The following DLGAP4 variants were observed in gnomAD, a reference collection of about 807,000 sequenced individuals.
DLGAP4 encodes disks large-associated protein 4.
In DLGAP4, 18 loss-of-function variants were observed where a neutral mutation model predicts 86.9. That is an observed-to-expected ratio of 0.21 (90% CI 0.14 to 0.31). The LOEUF is 0.31. Among genes scored for constraint, DLGAP4 ranks in the 10% least tolerant of loss-of-function variants. The pLI, the probability that DLGAP4 is intolerant of heterozygous loss-of-function variation, is 1.00. For missense variants in DLGAP4, 1,085 were observed against 1,362.6 expected, an observed-to-expected ratio of 0.80 and a Z score of 3.21; for synonymous variants, 548 against 574.3, an observed-to-expected ratio of 0.95 and a Z score of 0.65.
intron 4 of DLGAP4, among the ~76,000 whole-genome samples, chr20:36,437,091 A>G (rs766216348): frequency 6.6e-6 from 1 of 152,100 alleles, no homozygotes; most frequent in Non-Finnish European, 1.5e-5. Context: ...CCTCAGCTTC[A>G]GATCCAGGTG....
At chr20:36,424,213 A>G (rs1256283361) in intron 2 of DLGAP4, among the ~76,000 whole-genome samples, 2 of 152,200 alleles carry the variant, frequency 1.3e-5, no homozygotes, top group Non-Finnish European at 2.9e-5. Flanking sequence ...GAACCTCAAT[A>G]CAGCACAACA....
chr20:36,480,421 G>T (rs2147703883), intron 7 of DLGAP4, among the ~76,000 whole-genome samples: 2 of 152,286 alleles, frequency 1.3e-5, no homozygotes, highest in Middle Eastern at 6.8e-3. Flanking sequence ...AGGTAGGGGG[G>T]TAAAAAAGAC....
intron 10 of DLGAP4, among the ~76,000 whole-genome samples, chr20:36,522,637 G>A (rs1384717364): frequency 1.3e-5 from 2 of 152,154 alleles, no homozygotes; most frequent in East Asian, 3.9e-4. Flanking sequence ...TCCTATCTCA[G>A]CCTCCCAAAT....
intron 7 of DLGAP4, among the ~76,000 whole-genome samples, chr20:36,488,199 CAAA>C (rs1287983679): frequency 4.8e-5 from 3 of 62,376 alleles, no homozygotes; most frequent in Admixed American, 1.9e-4. Flanking sequence ...GACTCTGTCT[CAAA>C]AAAAAAAAAA....
intron 7 of DLGAP4, chr20:36,462,388 C>G (rs2034128919): frequency 2.9e-6 from 4 of 1,361,688 alleles, no homozygotes; most frequent in Admixed American, 4.0e-5. Flanking sequence ...GGTGGTCTCG[C>G]CACTCTGTGC....
chr20:36,389,770 A>G (rs2031725101), intron 2 of DLGAP4, among the ~76,000 whole-genome samples: 1 of 152,240 alleles, frequency 6.6e-6, no homozygotes, highest in Admixed American at 6.5e-5. Context: ...CAAAGAAAAA[A>G]AGGAAACAAG....
At chr20:36,328,488 T>C (rs2065237763) in intron 1 of DLGAP4, among the ~76,000 whole-genome samples, 1 of 151,932 alleles carries the variant, frequency 6.6e-6, no homozygotes, top group Admixed American at 6.6e-5. Context: ...TTTTTTTTTT[T>C]TAAATAAAGT....
At chr20:36,465,056 T>A (rs538217119) in intron 7 of DLGAP4, among the ~76,000 whole-genome samples, 53 of 152,222 alleles carry the variant, frequency 3.5e-4, no homozygotes, top group South Asian at 2.7e-3. Context: ...TATTTTTTTT[T>A]AAATCTGGTG....
chr20:36,334,892 G>C (rs1555891935), intron 1 of DLGAP4, among the ~76,000 whole-genome samples: 1 of 152,162 alleles, frequency 6.6e-6, no homozygotes, highest in Non-Finnish European at 1.5e-5. Flanking sequence ...GTGTCTATTG[G>C]AGGTGAAAAT....
chr20:36,390,163 G>C (rs905309085), intron 2 of DLGAP4, among the ~76,000 whole-genome samples: 6 of 152,234 alleles, frequency 3.9e-5, no homozygotes, highest in Non-Finnish European at 8.8e-5. Flanking sequence ...ATTTGGCATA[G>C]GCCTTGAAAG....
chr20:36,358,117 A>G (rs1555893990), intron 1 of DLGAP4, among the ~76,000 whole-genome samples: 1 of 152,200 alleles, frequency 6.6e-6, no homozygotes, highest in African/African-American at 2.4e-5. Context: ...GCTGTGGCCC[A>G]TACTCACTGC....
intron 3 of DLGAP4, among the ~76,000 whole-genome samples, chr20:36,433,739 C>T (rs937057124): frequency 1.1e-4 from 17 of 152,058 alleles, no homozygotes; most frequent in Non-Finnish European, 1.8e-4. Context: ...GCAACCTCCG[C>T]CCCCCGGGTT....
intron 2 of DLGAP4, among the ~76,000 whole-genome samples, chr20:36,387,214 A>G (rs1249156245): frequency 6.6e-6 from 1 of 152,186 alleles, no homozygotes; most frequent in East Asian, 1.9e-4. Context: ...AATTTTGCCA[A>G]TCTGCTGGGA....
chr20:36,426,139 A>G (rs2032967264), intron 2 of DLGAP4, among the ~76,000 whole-genome samples: 1 of 152,284 alleles, frequency 6.6e-6, no homozygotes, highest in Non-Finnish European at 1.5e-5. Context: ...TAGGTCAGAC[A>G]CAAAATAACA....
At chr20:36,307,380 G>A (rs1463764736) in intron 1 of DLGAP4, among the ~76,000 whole-genome samples, 5 of 152,094 alleles carry the variant, frequency 3.3e-5, no homozygotes, top group African/African-American at 1.2e-4. Flanking sequence ...TCTTTTGGCC[G>A]AACCTGCCGC....
chr20:36,372,810 G>A (rs536247391), intron 2 of DLGAP4, among the ~76,000 whole-genome samples: 3 of 152,218 alleles, frequency 2.0e-5, no homozygotes, highest in African/African-American at 4.8e-5. Flanking sequence ...GCCATTTTCC[G>A]CAGCTATAGA....
intron 7 of DLGAP4, among the ~76,000 whole-genome samples, chr20:36,489,855 C>CTTTTTTTT (rs764797081): frequency 1.9e-5 from 2 of 108,022 alleles, no homozygotes; most frequent in Non-Finnish European, 3.8e-5. Flanking sequence ...GCTAATTCTT[C>CTTTTTTTT]TTTTTTTTTT....
chr20:36,413,829 C>T (rs1384941554), intron 2 of DLGAP4, among the ~76,000 whole-genome samples: 3 of 152,190 alleles, frequency 2.0e-5, no homozygotes, highest in Admixed American at 6.6e-5. Context: ...TGGATCAGAA[C>T]TTCATTCCTT....
chr20:36,317,791 C>T (rs1224161285), intron 1 of DLGAP4, among the ~76,000 whole-genome samples: 2 of 151,958 alleles, frequency 1.3e-5, no homozygotes, highest in Non-Finnish European at 2.9e-5. Context: ...GACAGGTGAG[C>T]ATCTCTAGCT....
Sources: gnomAD v4.1 joint callset for allele counts (sites outside exome capture counted in the v4.1 genomes callset) on GRCh38, gnomAD v4.1.1 for gene constraint, MANE v1.5 for transcripts, NCBI Gene and HGNC (gene_info 2026-07-23, HGNC 2026-07-21) for gene names.